ERC2: variants seen among roughly 807,000 people sequenced by gnomAD.
ERC2 encodes the protein ELKS/RAB6-interacting/CAST family member 2.
ERC2 carries 42 observed loss-of-function variants against 114.8 expected under a neutral mutation model. That is an observed-to-expected ratio of 0.37 (90% CI 0.29 to 0.47). ERC2 has a LOEUF of 0.47. Ranked by LOEUF, ERC2 falls within the 20% of genes least tolerant of loss-of-function variation. The pLI is 0.99. For synonymous variants in ERC2, 454 were observed against 425.5 expected, an observed-to-expected ratio of 1.07 and a Z score of -0.82; for missense variants, 939 against 1,150.7, an observed-to-expected ratio of 0.82 and a Z score of 2.66.
intron 15 of ERC2, among the ~76,000 whole-genome samples, chr3:55,713,502 C>G (rs777940540): frequency 2.0e-5 from 3 of 152,192 alleles, no homozygotes; most frequent in Non-Finnish European, 4.4e-5. Context: ...CAGGCATGAG[C>G]CACCGCTCCT....
intron 7 of ERC2, among the ~76,000 whole-genome samples, chr3:56,075,476 C>A (rs552489516): frequency 2.6e-5 from 4 of 152,314 alleles, no homozygotes; most frequent in African/African-American, 9.6e-5. Context: ...ATTGGGACCC[C>A]AGATATTCTT....
chr3:55,648,326 G>C (rs1038260636), intron 17 of ERC2, among the ~76,000 whole-genome samples: 2 of 152,206 alleles, frequency 1.3e-5, no homozygotes, highest in East Asian at 3.9e-4. Context: ...AGACTTTTGG[G>C]GAATTATTCA....
At chr3:56,069,666 A>G (rs1406959964) in intron 7 of ERC2, among the ~76,000 whole-genome samples, 1 of 152,206 alleles carries the variant, frequency 6.6e-6, no homozygotes, top group Admixed American at 6.5e-5. Flanking sequence ...TATCTACCAC[A>G]GTACTTTTGT....
At chr3:56,236,384 G>C (rs759022864) in intron 3 of ERC2, among the ~76,000 whole-genome samples, 1 of 152,058 alleles carries the variant, frequency 6.6e-6, no homozygotes, top group Non-Finnish European at 1.5e-5. Context: ...GACCATCCAG[G>C]CCCTGAATGT....
At chr3:56,203,707 A>T (rs1176857496) in intron 3 of ERC2, among the ~76,000 whole-genome samples, 1 of 152,214 alleles carries the variant, frequency 6.6e-6, no homozygotes, top group Non-Finnish European at 1.5e-5. Context: ...CAAAGGTCAA[A>T]TTGAAACCCT....
chr3:55,961,931 A>C (rs2068412371), intron 12 of ERC2, among the ~76,000 whole-genome samples: 1 of 150,788 alleles, frequency 6.6e-6, no homozygotes, highest in Admixed American at 6.6e-5. Flanking sequence ...CCTACCATCC[A>C]AGTCTTATCT....
chr3:56,303,301 G>GTC (rs1439731488), intron 2 of ERC2, among the ~76,000 whole-genome samples: 1 of 152,148 alleles, frequency 6.6e-6, no homozygotes, highest in African/African-American at 2.4e-5. Context: ...ATACTTTAAA[G>GTC]TCTCCCCTGG....
intron 2 of ERC2, among the ~76,000 whole-genome samples, chr3:56,429,692 A>G (rs574884622): frequency 6.6e-6 from 1 of 152,332 alleles, no homozygotes; most frequent in East Asian, 1.9e-4. Flanking sequence ...CGCGTGGCTG[A>G]GAAGTAGGGC....
At chr3:56,201,778 G>T (rs1408310521) in intron 3 of ERC2, among the ~76,000 whole-genome samples, 1 of 152,100 alleles carries the variant, frequency 6.6e-6, no homozygotes, top group Non-Finnish European at 1.5e-5. Context: ...AGAATAAAAG[G>T]TTAAGAATAT....
chr3:56,078,968 A>G (rs551138736), intron 7 of ERC2, among the ~76,000 whole-genome samples: 1 of 152,114 alleles, frequency 6.6e-6, no homozygotes, highest in South Asian at 2.1e-4. Context: ...AGAGGGCAGG[A>G]ATGTGGGTGG....
At chr3:56,359,746 TG>T (rs1189823059) in intron 2 of ERC2, among the ~76,000 whole-genome samples, 2 of 152,012 alleles carry the variant, frequency 1.3e-5, no homozygotes, top group Admixed American at 6.6e-5. Flanking sequence ...ATTCCACCCA[TG>T]GGGGAAGGCA....
intron 13 of ERC2, among the ~76,000 whole-genome samples, chr3:55,920,446 A>ACACACACACACCCC (rs57638674): frequency 1.4e-5 from 2 of 145,446 alleles, no homozygotes; most frequent in African/African-American, 5.3e-5. Flanking sequence ...ACACACACAC[A>ACACACACACACCCC]CCCCAAGTGA....
At chr3:56,386,930 G>A (rs891899564) in intron 2 of ERC2, among the ~76,000 whole-genome samples, 1 of 152,146 alleles carries the variant, frequency 6.6e-6, no homozygotes, top group African/African-American at 2.4e-5. Context: ...TTGCAACAGG[G>A]CCTGAAGCCT....
At chr3:55,788,811 T>C (rs1413518169) in intron 14 of ERC2, among the ~76,000 whole-genome samples, 1 of 152,218 alleles carries the variant, frequency 6.6e-6, no homozygotes, top group East Asian at 1.9e-4. Flanking sequence ...AGGGATAACA[T>C]GCATACAGAA....
intron 17 of ERC2, among the ~76,000 whole-genome samples, chr3:55,655,223 T>C (rs1191647498): frequency 1.4e-5 from 2 of 140,670 alleles, no homozygotes; most frequent in African/African-American, 5.2e-5. Context: ...TCCCCCTTTA[T>C]TGGCTTGCCT....
intron 2 of ERC2, among the ~76,000 whole-genome samples, chr3:56,431,882 C>T (rs75868942): frequency 0.12 from 18,751 of 152,158 alleles, 1,586 homozygotes; most frequent in Middle Eastern, 0.19. Context: ...AGTCACATTT[C>T]ACCTATGATA....
intron 17 of ERC2, among the ~76,000 whole-genome samples, chr3:55,552,912 T>C (rs940567568): frequency 2.2e-4 from 34 of 151,822 alleles, no homozygotes; most frequent in Non-Finnish European, 1.5e-4. Context: ...TTTTCTTGAG[T>C]TGTTGAGTAA....
chr3:55,811,274 C>T (rs2059712005), intron 14 of ERC2, among the ~76,000 whole-genome samples: 1 of 152,174 alleles, frequency 6.6e-6, no homozygotes, highest in Admixed American at 6.5e-5. Context: ...CATGCCTTTT[C>T]TTAATTAATC....
Position 55,510,739 on chromosome 3 carries a change from C to T in ERC2, c.*577G>A, listed in dbSNP as rs565663158. ...CAATTTTTGGTGTTTTTTGTTTCTTCGTCAAACACTCCATGCATCATGGTA... is the reference window on the plus strand; with the variant it reads ...CAATTTTTGGTGTTTTTTGTTTCTTTGTCAAACACTCCATGCATCATGGTA... On this transcript the variant is annotated 3_prime_UTR_variant, in exon 18 of 18. Transcript: ENST00000288221. 20 of 152,428 alleles carry T rather than the reference C, an allele frequency of 1.3e-4. No individual in the cohort carries two copies. Among genetic ancestry groups the T allele is most frequent in the African/African-American group, 4.8e-4 (20 of 41,518 alleles). 9.4% of individuals were successfully genotyped at this position (152,428 alleles called of 1,614,324 possible).
Sources: allele counts gnomAD v4.1 joint callset (sites outside exome capture counted in the v4.1 genomes callset), GRCh38; gene constraint gnomAD v4.1.1; transcripts MANE v1.5; gene names NCBI Gene and HGNC (gene_info 2026-07-23, HGNC 2026-07-21).